The following CALN1 variants were observed in gnomAD, a reference collection of about 807,000 sequenced individuals.
CALN1 encodes the protein calneuron 1.
CALN1 carries 17 observed loss-of-function variants against 30.6 expected under a neutral mutation model. The observed-to-expected ratio is 0.56, with a 90% CI of 0.38 to 0.83. The LOEUF (loss-of-function observed/expected upper bound fraction) is 0.83. Among genes scored for constraint, CALN1 ranks in the 40% least tolerant of loss-of-function variants. CALN1 has a pLI of 0.00. For missense variants in CALN1, 291 were observed against 354.9 expected (o/e 0.82, Z 1.45); for synonymous variants, 156 against 131.4 (o/e 1.19, Z -1.28).
At chr7:72,221,016 T>C (rs906747360) in intron 3 of CALN1, among the ~76,000 whole-genome samples, 5 of 152,236 alleles carry the variant, frequency 3.3e-5, no homozygotes, top group Non-Finnish European at 7.3e-5. Flanking sequence ...TGATGGTAGT[T>C]TCTTTTGCTG....
At chr7:72,218,760 G>A (rs146263389) in intron 3 of CALN1, among the ~76,000 whole-genome samples, 1 of 152,304 alleles carries the variant, frequency 6.6e-6, no homozygotes, top group Admixed American at 6.5e-5. Context: ...CCTTCTTATG[G>A]ACGTTAATGA....
At chr7:71,920,461 G>A (rs1477572440) in intron 5 of CALN1, among the ~76,000 whole-genome samples, 1 of 148,548 alleles carries the variant, frequency 6.7e-6, no homozygotes, top group African/African-American at 2.5e-5. Flanking sequence ...TCAGCTTCCC[G>A]AGTAGCTGAG....
intron 5 of CALN1, among the ~76,000 whole-genome samples, chr7:71,972,526 G>A (rs532556555): frequency 2.7e-4 from 41 of 152,258 alleles, no homozygotes; most frequent in African/African-American, 9.1e-4. Flanking sequence ...GACCTAAAGT[G>A]GGATAATTTG....
chr7:72,242,756 C>T (rs941838875), intron 3 of CALN1, among the ~76,000 whole-genome samples: 1 of 152,074 alleles, frequency 6.6e-6, no homozygotes, highest in Non-Finnish European at 1.5e-5. Flanking sequence ...GGCGTGGTGG[C>T]ATGTGCCTGT....
At chr7:71,804,826 G>A (rs1417363037) in intron 6 of CALN1, among the ~76,000 whole-genome samples, 1 of 152,172 alleles carries the variant, frequency 6.6e-6, no homozygotes, top group Non-Finnish European at 1.5e-5. Flanking sequence ...TCAGGACGTG[G>A]TGGCGCATGC....
At chr7:72,332,732 G>A (rs923860146) in intron 2 of CALN1, among the ~76,000 whole-genome samples, 5 of 151,988 alleles carry the variant, frequency 3.3e-5, no homozygotes, top group Non-Finnish European at 5.9e-5. Context: ...CTTTATTGAC[G>A]TTGTTAGCCA....
At chr7:72,136,266 G>A (rs1028620684) in intron 3 of CALN1, among the ~76,000 whole-genome samples, 2 of 152,168 alleles carry the variant, frequency 1.3e-5, no homozygotes, top group African/African-American at 2.4e-5. Flanking sequence ...TGCTGCTGCA[G>A]CTTCTACATG....
At chr7:72,187,079 T>C (rs946816988) in intron 3 of CALN1, among the ~76,000 whole-genome samples, 2 of 152,100 alleles carry the variant, frequency 1.3e-5, no homozygotes, top group African/African-American at 2.4e-5. Flanking sequence ...TAAAAGAATA[T>C]GATTGCTTTA....
At chr7:72,063,462 C>A (rs1274661530) in intron 4 of CALN1, among the ~76,000 whole-genome samples, 2 of 152,266 alleles carry the variant, frequency 1.3e-5, no homozygotes, top group Admixed American at 6.5e-5. Flanking sequence ...TAGCAGCCAT[C>A]CTGTATCCAC....
chr7:72,283,556 A>C (rs1188100338), intron 2 of CALN1, among the ~76,000 whole-genome samples: 1 of 152,230 alleles, frequency 6.6e-6, no homozygotes, highest in African/African-American at 2.4e-5. Flanking sequence ...AGATATGGAA[A>C]GCACTGTACT....
chr7:71,980,187 C>CTTTTTTTTT, intron 5 of CALN1, among the ~76,000 whole-genome samples: 1 of 107,260 alleles, frequency 9.3e-6, no homozygotes, highest in Non-Finnish European at 2.0e-5. Context: ...TCTTCTTTTT[C>CTTTTTTTTT]TTTTTTTTTT....
chr7:72,206,602 T>C (rs1210182801), intron 3 of CALN1, among the ~76,000 whole-genome samples: 1 of 152,198 alleles, frequency 6.6e-6, no homozygotes, highest in African/African-American at 2.4e-5. Flanking sequence ...ATTGTGTTTA[T>C]TCTTTTATTT....
chr7:71,881,389 G>A (rs1309747924), intron 5 of CALN1, among the ~76,000 whole-genome samples: 1 of 152,078 alleles, frequency 6.6e-6, no homozygotes, highest in Non-Finnish European at 1.5e-5. Flanking sequence ...TGTCCGTCTA[G>A]AAAACCCCAA....
chr7:72,345,822 A>G (rs1038509428), intron 2 of CALN1, among the ~76,000 whole-genome samples: 1 of 152,342 alleles, frequency 6.6e-6, no homozygotes, highest in Admixed American at 6.5e-5. Flanking sequence ...TACGTACCCT[A>G]AACGCCTGCC....
intron 5 of CALN1, among the ~76,000 whole-genome samples, chr7:71,923,847 C>A (rs1470265524): frequency 6.6e-6 from 1 of 152,104 alleles, no homozygotes; most frequent in African/African-American, 2.4e-5. Flanking sequence ...AAATGTCACC[C>A]ATGTTAGCAT....
chr7:72,338,525 G>GTGTGTGTGTGTGTGTGTCTGTC, intron 2 of CALN1, among the ~76,000 whole-genome samples: 2,541 of 121,976 alleles, frequency 0.021, 227 homozygotes, highest in Non-Finnish European at 0.027. Flanking sequence ...GTGTGTGTGT[G>GTGTGTGTGTGTGTGTGTCTGTC]TGTCTCACCT....
intron 2 of CALN1, among the ~76,000 whole-genome samples, chr7:72,372,490 G>C (rs1236955047): frequency 6.6e-6 from 1 of 152,136 alleles, no homozygotes; most frequent in Non-Finnish European, 1.5e-5. Flanking sequence ...ATCATGGATA[G>C]GGAAAAGTTT....
intron 3 of CALN1, among the ~76,000 whole-genome samples, chr7:72,205,455 G>A (rs1363111199): frequency 6.7e-6 from 1 of 148,568 alleles, no homozygotes; most frequent in Non-Finnish European, 1.5e-5. Flanking sequence ...CACCCACCTT[G>A]GCCTTTCAAA....
chr7:72,187,197 T>C (rs73704307), intron 3 of CALN1, among the ~76,000 whole-genome samples: 1 of 151,912 alleles, frequency 6.6e-6, no homozygotes, highest in African/African-American at 2.4e-5. Context: ...ATGGATGAAA[T>C]GGATGAAAAA....
Sources: allele counts gnomAD v4.1 joint callset (sites outside exome capture counted in the v4.1 genomes callset), GRCh38; gene constraint gnomAD v4.1.1; transcripts MANE v1.5; gene names NCBI Gene and HGNC (gene_info 2026-07-23, HGNC 2026-07-21).